Variants in STIM2 observed in about 807,000 individuals in gnomAD.
STIM2 encodes stromal interaction molecule 2.
Under a neutral mutation model 85.8 loss-of-function variants are expected in STIM2, and 31 were observed. That is an observed-to-expected ratio of 0.36 (90% CI 0.27 to 0.49). STIM2 has a LOEUF of 0.49. Ranked by LOEUF, STIM2 falls within the 20% of genes least tolerant of loss-of-function variation. The probability of loss-of-function intolerance (pLI) is 0.98; values close to 1 mark genes in which losing one functional copy is unlikely to be tolerated. For synonymous variants in STIM2, 356 were observed against 331.1 expected (o/e 1.08, Z -0.82); for missense variants, 841 against 927.6 (o/e 0.91, Z 1.21).
intron 1 of STIM2, among the ~76,000 whole-genome samples, chr4:26,905,148 G>C (rs865978285): frequency 6.6e-6 from 1 of 152,188 alleles, no homozygotes; most frequent in Middle Eastern, 3.2e-3. Flanking sequence ...TAGAATGGGA[G>C]AGTGAATAGA....
At chr4:26,886,464 GTGTGTTTGC>G (rs1460014141) in intron 1 of STIM2, among the ~76,000 whole-genome samples, 5 of 152,180 alleles carry the variant, frequency 3.3e-5, no homozygotes, top group African/African-American at 1.2e-4. Flanking sequence ...GAAAGTATAT[GTGTGTTTGC>G]TGTTATTTAA....
At chr4:26,953,448 T>C (rs552597758) in intron 2 of STIM2, among the ~76,000 whole-genome samples, 2 of 152,280 alleles carry the variant, frequency 1.3e-5, no homozygotes, top group East Asian at 3.9e-4. Flanking sequence ...AAAATGGGGC[T>C]AATGAGCACT....
At chr4:27,007,308 C>G (rs1412601979) in intron 7 of STIM2, among the ~76,000 whole-genome samples, 1 of 150,288 alleles carries the variant, frequency 6.7e-6, no homozygotes, top group Non-Finnish European at 1.5e-5. Flanking sequence ...ACTTGAAGCT[C>G]AGCCTTCATT....
chr4:26,886,106 G>A (rs985405730), intron 1 of STIM2, among the ~76,000 whole-genome samples: 19 of 151,776 alleles, frequency 1.3e-4, no homozygotes, highest in Non-Finnish European at 2.2e-4. Context: ...GAACTGTGAC[G>A]GGCAGAACAT....
At position 27,018,280 on chromosome 4, in the gene STIM2, G is replaced by A. The variant is rs565153548; in HGVS notation, c.1763+296G>A. On this transcript the variant is annotated intron_variant, in intron 11 of 11. Coordinates refer to ENST00000467087, the MANE Select transcript of STIM2 (RefSeq NM_020860.4). ...TTCTCAAAGTTCATGTGGTTGTGGC[G>A]AACTTCATTTCCTGTGGCTCCAGGA... Among the ~76,000 whole-genome samples, 8 of 152,244 alleles carry A rather than the reference G, an allele frequency of 5.3e-5. No individual in the cohort carries two copies. The South Asian group carries it at 8.3e-4, about 16-fold the overall frequency.
rs576328459 is a variant in STIM2 at position 26,999,215 on chromosome 4, G to T, written c.510-17G>T. Reference sequence around the variant, plus strand: ...TTAATATATATATATATGTGTGTGTGTTTTTCAAATAAACAGGATAGCAGT... The same window carrying T: ...TTAATATATATATATATGTGTGTGTTTTTTTCAAATAAACAGGATAGCAGT... On this transcript the variant is annotated splice_polypyrimidine_tract_variant and intron_variant, in intron 4 of 11. Transcript: ENST00000467087. 1.1e-5 allele frequency: 15 copies of T among 1,382,204 alleles called. No homozygotes were observed. In the Admixed American group the frequency reaches 1.6e-4, roughly 15 times the overall value. The allele number at this position is 1,382,204 out of a possible 1,614,324, so 85.6% of individuals were successfully genotyped here. A position where few individuals can be genotyped will look rare whatever the true frequency, so the allele number is the denominator to read the frequency against.
intron 1 of STIM2, among the ~76,000 whole-genome samples, chr4:26,891,458 A>T (rs1723474995): frequency 6.6e-6 from 1 of 152,026 alleles, no homozygotes; most frequent in African/African-American, 2.4e-5. Context: ...AGCCTGTATA[A>T]TCTTGTGAAC....
chr4:27,000,331 TGC>T, intron 5 of STIM2, among the ~76,000 whole-genome samples: 1 of 152,246 alleles, frequency 6.6e-6, no homozygotes, highest in East Asian at 1.9e-4. Context: ...CTGGTGGAAA[TGC>T]ACTGTTGGTG....
chr4:26,999,940 G>T (rs556504078), intron 5 of STIM2, among the ~76,000 whole-genome samples: 1 of 152,096 alleles, frequency 6.6e-6, no homozygotes, highest in South Asian at 2.1e-4. Context: ...ACTTTGACAG[G>T]AATATTTTTT....
intron 3 of STIM2, among the ~76,000 whole-genome samples, chr4:26,991,266 T>A (rs1034249578): frequency 4.6e-5 from 7 of 151,924 alleles, no homozygotes; most frequent in Non-Finnish European, 1.0e-4. Flanking sequence ...AAGAATAAAA[T>A]CCCGTTATTT....
In STIM2 at chr4:26,985,157, G is replaced by A. The variant is rs192250683; in HGVS notation, c.398-10222G>A. On this transcript the variant is annotated intron_variant, in intron 3 of 11. Coordinates refer to ENST00000467087, the MANE Select transcript of STIM2 (RefSeq NM_020860.4). ...TGAGCAGCTGAGCATCTAAAGTCTC[G>A]TTCAGAAGTGACCCCAGGAAGTCTA... is the stretch of plus-strand genomic sequence containing the variant. 1.8e-4 allele frequency among the ~76,000 whole-genome samples: 28 copies of A among 152,258 alleles called. No homozygotes were observed. The East Asian group carries it at 2.1e-3, about 12-fold the overall frequency.
At chr4:26,929,499 A>C (rs1725120325) in intron 2 of STIM2, among the ~76,000 whole-genome samples, 1 of 152,022 alleles carries the variant, frequency 6.6e-6, no homozygotes, top group Non-Finnish European at 1.5e-5. Context: ...AAAGTACTTA[A>C]TTTCTTGTGA....
intron 3 of STIM2, among the ~76,000 whole-genome samples, chr4:26,960,087 C>T (rs1405016622): frequency 6.6e-6 from 1 of 152,172 alleles, no homozygotes; most frequent in Non-Finnish European, 1.5e-5. Flanking sequence ...GTTGCCAGAG[C>T]ACTGGTTTTT....
At chr4:26,984,549 G>A (rs1402142132) in intron 3 of STIM2, among the ~76,000 whole-genome samples, 1 of 152,172 alleles carries the variant, frequency 6.6e-6, no homozygotes, top group Non-Finnish European at 1.5e-5. Flanking sequence ...ATTTTTAGTA[G>A]AGATGGGGTT....
chr4:26,974,924 C>T (rs1340434634), intron 3 of STIM2, among the ~76,000 whole-genome samples: 1 of 152,118 alleles, frequency 6.6e-6, no homozygotes, highest in African/African-American at 2.4e-5. Context: ...TTCTTGGAGG[C>T]TTTGTTCGTT....
intron 1 of STIM2, among the ~76,000 whole-genome samples, chr4:26,904,196 G>A (rs181602043): frequency 6.7e-6 from 1 of 148,592 alleles, no homozygotes; most frequent in African/African-American, 2.5e-5. Flanking sequence ...AGCAATCTTG[G>A]AGACTAGGAA....
intron 1 of STIM2, among the ~76,000 whole-genome samples, chr4:26,889,941 TC>T (rs1391658625): frequency 5.3e-5 from 8 of 152,218 alleles, no homozygotes; most frequent in Non-Finnish European, 8.8e-5. Context: ...GTTACCATTT[TC>T]CCAATTATGT....
intron 1 of STIM2, among the ~76,000 whole-genome samples, chr4:26,916,848 A>G (rs1379801099): frequency 1.3e-5 from 2 of 152,094 alleles, no homozygotes; most frequent in Non-Finnish European, 2.9e-5. Context: ...GTTTACCTCT[A>G]GAAAACTTTT....
At chr4:26,916,372 A>T (rs1341939621) in intron 1 of STIM2, among the ~76,000 whole-genome samples, 1 of 152,094 alleles carries the variant, frequency 6.6e-6, no homozygotes, top group Admixed American at 6.5e-5. Context: ...CTCATCATCT[A>T]CCGTTTCTGT....
Sources: allele counts gnomAD v4.1 joint callset (sites outside exome capture counted in the v4.1 genomes callset), GRCh38; gene constraint gnomAD v4.1.1; transcripts MANE v1.5; gene names NCBI Gene and HGNC (gene_info 2026-07-23, HGNC 2026-07-21).